Variants in COL4A2 observed in about 807,000 individuals in gnomAD.
COL4A2 encodes the protein collagen type IV alpha 2 chain, also known as collagen alpha-2(IV) chain.
Under a neutral mutation model 200.2 loss-of-function variants are expected in COL4A2, and 99 were observed. That is an observed-to-expected ratio of 0.49 (90% confidence interval 0.42 to 0.58). COL4A2 has a LOEUF of 0.58. Among genes scored for constraint, COL4A2 ranks in the 20% least tolerant of loss-of-function variants. The probability of loss-of-function intolerance (pLI) is 0.00; values close to 1 mark genes in which losing one functional copy is unlikely to be tolerated. For missense variants in COL4A2, 1,950 were observed against 2,314.1 expected (o/e 0.84, Z 3.23); for synonymous variants, 897 against 900.6 (o/e 1.00, Z 0.07).
At chr13:110,441,235 G>A (rs1239621274) in intron 16 of COL4A2, among the ~76,000 whole-genome samples, 1 of 152,160 alleles carries the variant, frequency 6.6e-6, no homozygotes, top group African/African-American at 2.4e-5. Flanking sequence ...AGGCCCATGG[G>A]CTTCAGTTAG....
chr13:110,307,809 T>C lies in COL4A2; in HGVS notation c.-44-51T>C. On this transcript the variant is annotated intron_variant, in intron 1 of 47. Transcript: ENST00000360467. This position sits in a 1 kb window ranked among gnomAD's most constrained non-coding sequence, Gnocchi z 5.0. ...CGCGGACCGAGACCGGCGGTGAGGA[T>C]GGGCTGCCTCCCTCATCCTGCGCTA... 6.8e-7 allele frequency: 1 copy of C among 1,470,266 alleles called. No individual in the cohort carries two copies. The highest frequency in any genetic ancestry group is 9.2e-7 in the Non-Finnish European group (1 of 1,091,716). The allele number at this position is 1,470,266 out of a possible 1,614,324, so 91.1% of individuals were successfully genotyped here. A position where few individuals can be genotyped will look rare whatever the true frequency, so the allele number is the denominator to read the frequency against.
chr13:110,326,638 C>T (rs1007484354), intron 3 of COL4A2, among the ~76,000 whole-genome samples: 8 of 152,164 alleles, frequency 5.3e-5, no homozygotes, highest in Admixed American at 3.3e-4. Flanking sequence ...GCCTTCAGGG[C>T]GAGGTCACAC....
intron 18 of COL4A2, 86 bp downstream of exon 18, chr13:110,446,950 A>T: frequency 9.2e-7 from 1 of 1,089,388 alleles, no homozygotes; most frequent in Non-Finnish European, 1.3e-6. Flanking sequence ...CTTTCAAGAC[A>T]GATATTCTAA....
chr13:110,443,278 A>G (rs1348838323), intron 16 of COL4A2, among the ~76,000 whole-genome samples: 2 of 152,240 alleles, frequency 1.3e-5, no homozygotes, highest in African/African-American at 4.8e-5. Context: ...CACTGCAATG[A>G]AAAGGGTACA....
intron 3 of COL4A2, among the ~76,000 whole-genome samples, chr13:110,318,781 C>T (rs1885209203): frequency 6.6e-6 from 1 of 152,166 alleles, no homozygotes; most frequent in East Asian, 1.9e-4. Flanking sequence ...TAGTTCACAT[C>T]TACCTGGCTT....
At chr13:110,466,527 G>T (rs1475844543) in intron 26 of COL4A2, among the ~76,000 whole-genome samples, 1 of 152,232 alleles carries the variant, frequency 6.6e-6, no homozygotes, top group Non-Finnish European at 1.5e-5. Flanking sequence ...GAGTGTCACT[G>T]CTCCCAGCCA....
intron 37 of COL4A2, among the ~76,000 whole-genome samples, chr13:110,491,750 G>A (rs1470374407): frequency 1.3e-5 from 2 of 152,140 alleles, no homozygotes; most frequent in Admixed American, 6.5e-5. Context: ...CTCAGCACCG[G>A]GGAATGCCAA....
At chr13:110,486,243 C>G (rs751470388) in intron 34 of COL4A2, among the ~76,000 whole-genome samples, 2 of 152,218 alleles carry the variant, frequency 1.3e-5, no homozygotes, top group Non-Finnish European at 2.9e-5. Flanking sequence ...GGCCACCGTT[C>G]ACTCAGCCTT....
At chr13:110,342,600 C>T (rs1021950706) in intron 3 of COL4A2, among the ~76,000 whole-genome samples, 1 of 152,182 alleles carries the variant, frequency 6.6e-6, no homozygotes, top group African/African-American at 2.4e-5. Context: ...TTCATCCTAA[C>T]GGCAACCCCA....
At chr13:110,459,254 A>G (rs1881443699) in intron 22 of COL4A2, 1 of 262,344 alleles carries the variant, frequency 3.8e-6, no homozygotes, top group Admixed American at 4.7e-5. Flanking sequence ...GTCCACACAA[A>G]CACACATACA....
intron 12 of COL4A2, 136 bp downstream of exon 12, chr13:110,434,578 A>G: frequency 1.2e-6 from 1 of 859,364 alleles, no homozygotes; most frequent in South Asian, 1.6e-5. Flanking sequence ...TTGCATAGGG[A>G]AATAATCATT....
At chr13:110,461,928 T>G (rs910327179) in intron 22 of COL4A2, 186 bp from the exon 23 acceptor site, 33 of 761,576 alleles carry the variant, frequency 4.3e-5, no homozygotes, top group Non-Finnish European at 6.7e-5. Context: ...CTGTGGCCAG[T>G]GGCCCCACAC....
chr13:110,512,298 ACC>A lies in COL4A2; in HGVS notation c.*108_*109del. ...TTTTTTCTTAAAAAAAAAAAAGTCTACCAAAGGAATTTGCATCCAGCAGCAGC... is the reference window on the plus strand; with the variant it reads ...TTTTTTCTTAAAAAAAAAAAAGTCTAAAAGGAATTTGCATCCAGCAGCAGC... On this transcript the variant is annotated 3_prime_UTR_variant, in exon 48 of 48. Transcript: ENST00000360467. The A allele has an allele frequency of 6.9e-7, 1 of 1,440,640 alleles. No homozygotes were observed. The allele number at this position is 1,440,640 out of a possible 1,614,324, so 89.2% of individuals were successfully genotyped here.
intron 4 of COL4A2, among the ~76,000 whole-genome samples, chr13:110,409,461 C>A (rs997308440): frequency 6.6e-6 from 1 of 152,232 alleles, no homozygotes; most frequent in African/African-American, 2.4e-5. Flanking sequence ...GCGCTGCTGC[C>A]GCTACACCTT....
rs759315132 is a variant in COL4A2, at chr13:110,512,127, C to G, written c.5075C>G (p.Thr1692Arg). ...TTCCAGGGCTCGCCCTCCGCCGACA[C>G]GCTCAAGGCCGGCCTCATCCGCACA... Reference protein sequence around the residue: ...QSFQGSPSADTLKAGLIRTHI... With the variant: ...QSFQGSPSADRLKAGLIRTHI... The change falls in exon 48 of 48, where the codon ACG becomes AGG. Residue 1692 changes from threonine to arginine, a missense_variant. Around this residue, in one of 2 missense-constraint regions of COL4A2, gnomAD observed 1,385 missense variants for 1,720.5 expected, o/e 0.80. Coordinates refer to ENST00000360467, the MANE Select transcript of COL4A2 (RefSeq NM_001846.4). 2.5e-6 allele frequency: 4 copies of G among 1,613,494 alleles called. No individual in the cohort carries two copies. In the Admixed American group the frequency reaches 5.0e-5, roughly 20 times the overall value.
At chr13:110,440,220 G>A (rs1197528953) in intron 16 of COL4A2, among the ~76,000 whole-genome samples, 1 of 152,138 alleles carries the variant, frequency 6.6e-6, no homozygotes, top group Non-Finnish European at 1.5e-5. Flanking sequence ...CTTCATTTAT[G>A]TTTAATGACA....
intron 4 of COL4A2, among the ~76,000 whole-genome samples, chr13:110,383,675 G>C (rs9515200): frequency 0.38 from 54,356 of 144,702 alleles, 10,182 homozygotes; most frequent in East Asian, 0.46. Context: ...GAGTGCAGTG[G>C]CACGATCTCA....
chr13:110,355,002 G>A (rs1192129786), intron 3 of COL4A2, among the ~76,000 whole-genome samples: 1 of 152,246 alleles, frequency 6.6e-6, no homozygotes, highest in African/African-American at 2.4e-5. Flanking sequence ...AACTTACAGA[G>A]GGAGTCCCCA....
intron 4 of COL4A2, among the ~76,000 whole-genome samples, chr13:110,385,127 T>C (rs1594183059): frequency 6.6e-6 from 1 of 152,014 alleles, no homozygotes. Flanking sequence ...CCAGGCGCAG[T>C]GGCGGGTGCC....
Sources: allele counts gnomAD v4.1 joint callset (sites outside exome capture counted in the v4.1 genomes callset), GRCh38; gene constraint gnomAD v4.1.1; regional missense constraint gnomAD v4.1.1; non-coding constraint Gnocchi (gnomAD v3.1); transcripts MANE v1.5; gene names NCBI Gene and HGNC (gene_info 2026-07-23, HGNC 2026-07-21).